RIN3: variants seen among roughly 807,000 people sequenced by gnomAD.
RIN3 encodes the protein Ras and Rab interactor 3, also known as RAB5 interacting protein 3.
In RIN3, 54 loss-of-function variants were observed where a neutral mutation model predicts 76.3. That is an observed-to-expected ratio of 0.71 (90% CI 0.57 to 0.89). RIN3 has a LOEUF of 0.89. Ranked by LOEUF, RIN3 falls within the 40% of genes least tolerant of loss-of-function variation. The probability of loss-of-function intolerance (pLI) is 0.00; values close to 1 mark genes in which losing one functional copy is unlikely to be tolerated. For missense variants in RIN3, 1,256 were observed against 1,322.1 expected, an observed-to-expected ratio of 0.95 and a Z score of 0.78; for synonymous variants, 576 against 564.0, an observed-to-expected ratio of 1.02 and a Z score of -0.30.
At chr14:92,595,563 G>A (rs893416620) in intron 3 of RIN3, among the ~76,000 whole-genome samples, 23 of 152,108 alleles carry the variant, frequency 1.5e-4, no homozygotes, top group Non-Finnish European at 2.9e-4. Context: ...TTCCTAGGCG[G>A]CCTCATCTCT....
chr14:92,598,108 A>C (rs1566860793), intron 3 of RIN3, among the ~76,000 whole-genome samples: 1 of 152,160 alleles, frequency 6.6e-6, no homozygotes, highest in Non-Finnish European at 1.5e-5. Context: ...CCAGTCGCAG[A>C]TGTAGCTTTT....
intron 2 of RIN3, among the ~76,000 whole-genome samples, chr14:92,563,529 A>G (rs2140044001): frequency 6.6e-6 from 1 of 152,280 alleles, no homozygotes; most frequent in African/African-American, 2.4e-5. Flanking sequence ...TCTATAAGGG[A>G]GGAAACTCAG....
At chr14:92,523,109 G>A (rs911002863) in intron 1 of RIN3, among the ~76,000 whole-genome samples, 3 of 152,220 alleles carry the variant, frequency 2.0e-5, no homozygotes, top group African/African-American at 7.2e-5. Flanking sequence ...TTGTTTGTTT[G>A]TTTTATTTTA....
intron 1 of RIN3, among the ~76,000 whole-genome samples, chr14:92,527,055 T>TC (rs1274978518): frequency 6.9e-6 from 1 of 145,488 alleles, no homozygotes; most frequent in Admixed American, 6.8e-5. Context: ...TCTTTTTTTT[T>TC]TTTTTTTTTT....
intron 4 of RIN3, among the ~76,000 whole-genome samples, chr14:92,624,692 G>C (rs1886290652): frequency 6.6e-6 from 1 of 152,178 alleles, no homozygotes; most frequent in Admixed American, 6.5e-5. Context: ...AATGGTCTGG[G>C]GTGAGTCTGA....
At chr14:92,572,968 G>A (rs1178369847) in intron 2 of RIN3, among the ~76,000 whole-genome samples, 1 of 137,748 alleles carries the variant, frequency 7.3e-6, no homozygotes, top group Non-Finnish European at 1.5e-5. Context: ...TGCAACCTCT[G>A]CCTCCCAGAT....
intron 3 of RIN3, among the ~76,000 whole-genome samples, chr14:92,579,265 G>A (rs1336189196): frequency 6.6e-6 from 1 of 152,202 alleles, no homozygotes; most frequent in Non-Finnish European, 1.5e-5. Flanking sequence ...TAATTTGTTA[G>A]TTTTACAAAG....
chr14:92,610,062 A>G (rs1792860019), intron 3 of RIN3, among the ~76,000 whole-genome samples: 2 of 152,178 alleles, frequency 1.3e-5, no homozygotes, highest in African/African-American at 2.4e-5. Flanking sequence ...ATATCATACA[A>G]TTCAGCAATT....
At chr14:92,529,090 C>T (rs1049791203) in intron 1 of RIN3, among the ~76,000 whole-genome samples, 7 of 152,022 alleles carry the variant, frequency 4.6e-5, no homozygotes, top group Admixed American at 3.9e-4. Context: ...CTGGTGGAGA[C>T]CCCCCTGCTC....
intron 3 of RIN3, among the ~76,000 whole-genome samples, chr14:92,600,453 A>G (rs964098447): frequency 6.6e-6 from 1 of 152,176 alleles, no homozygotes; most frequent in Admixed American, 6.5e-5. Context: ...ACAAGCATGA[A>G]TCAGTAGCAT....
chr14:92,559,749 T>C (rs1057324622), intron 2 of RIN3, among the ~76,000 whole-genome samples: 11 of 152,024 alleles, frequency 7.2e-5, no homozygotes, highest in Admixed American at 3.3e-4. Flanking sequence ...GCTGACAGAG[T>C]CTGCTGGAGA....
At chr14:92,517,671 G>A (rs1424930372) in intron 1 of RIN3, among the ~76,000 whole-genome samples, 1 of 152,192 alleles carries the variant, frequency 6.6e-6, no homozygotes, top group African/African-American at 2.4e-5. Context: ...CATTTATTCT[G>A]AGAACCAGGA....
At chr14:92,672,851 C>G (rs776765386) in intron 7 of RIN3, among the ~76,000 whole-genome samples, 1 of 152,136 alleles carries the variant, frequency 6.6e-6, no homozygotes, top group African/African-American at 2.4e-5. Context: ...TCCAGGCAAC[C>G]ACTCATCTGC....
intron 2 of RIN3, among the ~76,000 whole-genome samples, chr14:92,557,776 T>C (rs572578292): frequency 1.3e-5 from 2 of 152,342 alleles, no homozygotes; most frequent in Non-Finnish European, 2.9e-5. Flanking sequence ...GCCAGCACCC[T>C]CTGTGGTCCC....
intron 1 of RIN3, among the ~76,000 whole-genome samples, chr14:92,540,056 A>G (rs1238026745): frequency 6.6e-6 from 1 of 152,220 alleles, no homozygotes; most frequent in Non-Finnish European, 1.5e-5. Flanking sequence ...TCAGGAAGGC[A>G]AGACTGGTAG....
At chr14:92,667,207 T>C (rs535152187) in intron 7 of RIN3, among the ~76,000 whole-genome samples, 9 of 152,056 alleles carry the variant, frequency 5.9e-5, no homozygotes, top group African/African-American at 2.2e-4. Flanking sequence ...TTTTTTTAAA[T>C]CTGTGTTTAA....
chr14:92,544,119 C>T (rs1350545612), intron 1 of RIN3, among the ~76,000 whole-genome samples: 2 of 152,118 alleles, frequency 1.3e-5, no homozygotes, highest in African/African-American at 2.4e-5. Context: ...AGTCCTTGAG[C>T]TGAGTGGCAG....
chr14:92,612,038 C>G (rs1885759352), intron 3 of RIN3, among the ~76,000 whole-genome samples: 1 of 152,174 alleles, frequency 6.6e-6, no homozygotes, highest in Non-Finnish European at 1.5e-5. Flanking sequence ...TATCAGAGAA[C>G]AGCACCGAGG....
rs1398399547 is a variant in RIN3, at chr14:92,623,800, T to C, written c.440+8321T>C. ...CTTGGAAAGACTTAAGCTCACTGCA[T>C]CCCTTTAGGTCCCCAAGAAACTCCA... On this transcript the variant is annotated intron_variant, in intron 4 of 9. Coordinates refer to ENST00000216487, the MANE Select transcript of RIN3 (RefSeq NM_024832.5). This position sits in a 1 kb window ranked among gnomAD's most constrained non-coding sequence, Gnocchi z 4.9. Among the ~76,000 whole-genome samples, 2 of 152,228 alleles carry C rather than the reference T, an allele frequency of 1.3e-5. No homozygotes were observed. The highest frequency in any genetic ancestry group is 2.9e-5 in the Non-Finnish European group (2 of 68,036).
Sources: allele counts gnomAD v4.1 joint callset (sites outside exome capture counted in the v4.1 genomes callset), GRCh38; gene constraint gnomAD v4.1.1; non-coding constraint Gnocchi (gnomAD v3.1); transcripts MANE v1.5; gene names NCBI Gene and HGNC (gene_info 2026-07-23, HGNC 2026-07-21).